The following LACTBL1 variants were observed in gnomAD, a reference collection of about 807,000 sequenced individuals.
LACTBL1 encodes the protein beta-lactamase-like protein 1.
A neutral mutation model predicts 39.6 loss-of-function variants in LACTBL1; 29 were observed. The ratio of observed to expected loss-of-function variants is 0.73; its 90% CI spans 0.55 to 1.00. The LOEUF (loss-of-function observed/expected upper bound fraction) is 1.00. LACTBL1 is among the 50% of genes least tolerant of loss of function. The pLI is 0.00. For missense variants in LACTBL1, 711 were observed against 748.5 expected (o/e 0.95, Z 0.59); for synonymous variants, 361 against 360.7 (o/e 1.00, Z -0.01).
At chr1:22,953,378 C>G in exon 6 of LACTBL1, 1 of 1,228,410 alleles carries the variant, frequency 8.1e-7, no homozygotes, top group Non-Finnish European at 1.0e-6. Context: ...GTCAGGTTGG[C>G]GAAGGTGAAG....
chr1:22,953,731 C>A, exon 6 of LACTBL1: 1 of 1,347,286 alleles, frequency 7.4e-7, no homozygotes, highest in Non-Finnish European at 9.5e-7. Context: ...CAGGAGCCGC[C>A]GGGGCCCGCC....
At chr1:22,963,874 C>G (rs1272973081) in intron 1 of LACTBL1, among the ~76,000 whole-genome samples, 1 of 152,150 alleles carries the variant, frequency 6.6e-6, no homozygotes, top group Non-Finnish European at 1.5e-5. Context: ...CCACTGTGCC[C>G]TGAGACTCCA....
the LACTBL1 span, among the ~76,000 whole-genome samples, chr1:22,972,022 C>T: frequency 3.9e-5 from 6 of 152,002 alleles, no homozygotes; most frequent in African/African-American, 1.2e-4. Flanking sequence ...TCACTCCAGG[C>T]AGAGGCCTCT....
At chr1:22,953,710 G>A (rs914849942) in exon 6 of LACTBL1, 28 of 1,323,444 alleles carry the variant, frequency 2.1e-5, no homozygotes, top group Middle Eastern at 2.8e-4. Flanking sequence ...CGTCTTGGCC[G>A]CGTCGGGCCG....
the LACTBL1 span, among the ~76,000 whole-genome samples, chr1:22,971,409 T>G: frequency 2.0e-5 from 3 of 152,234 alleles, no homozygotes; most frequent in East Asian, 5.8e-4. Context: ...ACTAGAAATC[T>G]CTTTCCTTTC....
chr1:22,966,200 A>G (rs1405738815), upstream of LACTBL1, among the ~76,000 whole-genome samples: 1 of 152,236 alleles, frequency 6.6e-6, no homozygotes, highest in Non-Finnish European at 1.5e-5. Flanking sequence ...GCACACGGTA[A>G]CACTACATAT....
chr1:22,967,712 G>A (rs989050283), upstream of LACTBL1, among the ~76,000 whole-genome samples: 7 of 151,960 alleles, frequency 4.6e-5, no homozygotes, highest in East Asian at 1.9e-4. Context: ...CTCAACACTC[G>A]ACTTTGTTGA....
chr1:22,970,747 C>A, the LACTBL1 span, among the ~76,000 whole-genome samples: 3 of 150,202 alleles, frequency 2.0e-5, no homozygotes, highest in Non-Finnish European at 4.4e-5. Context: ...GAATTAGAGG[C>A]CGTAGTGAGC....
At chr1:22,959,621 G>C (rs958753402) in intron 3 of LACTBL1, among the ~76,000 whole-genome samples, 3 of 152,342 alleles carry the variant, frequency 2.0e-5, no homozygotes, top group African/African-American at 7.2e-5. Flanking sequence ...AACTGGTTAT[G>C]GTTCCTTTGT....
chr1:22,953,708 C>G, exon 6 of LACTBL1: 1 of 1,322,692 alleles, frequency 7.6e-7, no homozygotes, highest in Non-Finnish European at 9.6e-7. Context: ...AGCGTCTTGG[C>G]CGCGTCGGGC....
the LACTBL1 span, among the ~76,000 whole-genome samples, chr1:22,970,936 G>A: frequency 6.6e-6 from 1 of 152,096 alleles, no homozygotes; most frequent in Non-Finnish European, 1.5e-5. Context: ...CCTGTTGGAG[G>A]AGTAACCCCA....
In LACTBL1 at chr1:22,956,883, A is replaced by G. The variant is rs185114503; in HGVS notation, c.554-1457T>C. On this transcript the variant is annotated intron_variant, in intron 4 of 5. Coordinates refer to ENST00000426928, the Ensembl canonical transcript of LACTBL1. Reference sequence around the variant, plus strand: ...ATGATTTAAGATTCAAAGGAAATCAAAGAGTATACAATGGAAAATTTTCGT... The same window carrying G: ...ATGATTTAAGATTCAAAGGAAATCAGAGAGTATACAATGGAAAATTTTCGT... Among the ~76,000 whole-genome samples, 45 of 152,196 alleles carry G rather than the reference A, an allele frequency of 3.0e-4. No individual in the cohort carries two copies. In the East Asian group the frequency reaches 7.9e-3, roughly 27 times the overall value.
rs558453914 is a variant in LACTBL1, at chr1:22,957,055, A to G, written c.554-1629T>C. Among the ~76,000 whole-genome samples, 172 of 152,258 alleles carry G rather than the reference A, an allele frequency of 1.1e-3. 1 individual carries two copies. Among genetic ancestry groups the G allele is most frequent in the African/African-American group, 4.0e-3 (168 of 41,572 alleles). On this transcript the variant is annotated intron_variant, in intron 4 of 5. Transcript: ENST00000426928. ...GTTATATAATATGTACATTACACAT[A>G]TTCATATACACATATCCATTATATA...
chr1:22,969,987 T>C (rs1640921888), upstream of LACTBL1, among the ~76,000 whole-genome samples: 1 of 152,220 alleles, frequency 6.6e-6, no homozygotes, highest in South Asian at 2.1e-4. Context: ...GTTCAAATCT[T>C]AACTCCACTC....
At chr1:22,959,541 A>C (rs934608309) in intron 3 of LACTBL1, among the ~76,000 whole-genome samples, 5 of 152,390 alleles carry the variant, frequency 3.3e-5, no homozygotes, top group African/African-American at 1.2e-4. Context: ...GATATGCAAC[A>C]GAATGTCCCC....
chr1:22,963,760 G>A (rs1292681227), intron 1 of LACTBL1, among the ~76,000 whole-genome samples: 1 of 152,134 alleles, frequency 6.6e-6, no homozygotes, highest in Non-Finnish European at 1.5e-5. Flanking sequence ...GATTCAGGCT[G>A]TGATATCATC....
At chr1:22,968,092 A>T (rs1038338784), upstream of LACTBL1, among the ~76,000 whole-genome samples, 12 of 152,144 alleles carry the variant, frequency 7.9e-5, no homozygotes, top group Non-Finnish European at 1.8e-4. Flanking sequence ...AACAGCATGT[A>T]GTATTGTTTT....
upstream of LACTBL1, among the ~76,000 whole-genome samples, chr1:22,968,266 A>G (rs571703811): frequency 2.6e-5 from 4 of 152,140 alleles, no homozygotes; most frequent in Non-Finnish European, 4.4e-5. Context: ...GGGCCAGACT[A>G]CCTTAAAAAC....
intron 5 of LACTBL1, among the ~76,000 whole-genome samples, chr1:22,955,012 C>G (rs1640746758): frequency 1.3e-5 from 2 of 152,240 alleles, no homozygotes; most frequent in South Asian, 2.1e-4. Context: ...CACGGTGTCT[C>G]CCTCACAAGA....
Sources: gnomAD v4.1 joint callset for allele counts (sites outside exome capture counted in the v4.1 genomes callset) on GRCh38, gnomAD v4.1.1 for gene constraint, MANE v1.5 for transcripts, NCBI Gene and HGNC (gene_info 2026-07-23, HGNC 2026-07-21) for gene names.